The following ABHD1 variants were observed in gnomAD, a reference collection of about 807,000 sequenced individuals.
ABHD1 encodes abhydrolase domain containing 1.
A neutral mutation model predicts 41.4 loss-of-function variants in ABHD1; 47 were observed. That is an observed-to-expected ratio of 1.13 (90% CI 0.90 to 1.45). The LOEUF is 1.45. ABHD1 is among the 40% of genes most tolerant of loss of function. The pLI, the probability that ABHD1 is intolerant of heterozygous loss-of-function variation, is 0.00. For missense variants in ABHD1, 550 were observed against 503.4 expected, an observed-to-expected ratio of 1.09 and a Z score of -0.89; for synonymous variants, 205 against 203.7, an observed-to-expected ratio of 1.01 and a Z score of -0.05.
In ABHD1 at chr2:27,129,595, C is replaced by G; in HGVS notation, c.586C>G (p.Pro196Ala). 6.2e-7 allele frequency: 1 copy of G among 1,613,690 alleles called. No homozygotes were observed. The highest frequency in any genetic ancestry group is 1.3e-5 in the African/African-American group (1 of 75,078). Residue 196 changes from proline (P) to alanine (A), a missense_variant, in exon 5 of 9, where the codon CCA becomes GCA. Transcript: ENST00000316470. ...CATAAAGCATCGTTATCCCCAAGCTCCACTGCTGGCCGTGGGCATCTCTTT... is the reference window on the plus strand; with the variant it reads ...CATAAAGCATCGTTATCCCCAAGCTGCACTGCTGGCCGTGGGCATCTCTTT... ...NHIKHRYPQA[P>A]LLAVGISFGG...
At chr2:27,129,209 A>G in intron 3 of ABHD1, 82 bp downstream of exon 3, 1 of 1,592,104 alleles carries the variant, frequency 6.3e-7, no homozygotes, top group Non-Finnish European at 8.6e-7. Flanking sequence ...CTGATAGATA[A>G]GAAGAATGCT....
Position 27,130,545 on chromosome 2 carries a change from A to G in ABHD1, c.1019A>G (p.Gln340Arg), listed in dbSNP as rs1672198102. The G allele has an allele frequency of 6.2e-7, 1 of 1,613,902 alleles. No individual in the cohort carries two copies. Among genetic ancestry groups the G allele is most frequent in the Admixed American group, 1.7e-5 (1 of 59,974 alleles). ...GACCCTCTCCTAGCCCTTCCCATACAGGCCGCCCAACACTCCCCCTACGTT... is the reference window on the plus strand; with the variant it reads ...GACCCTCTCCTAGCCCTTCCCATACGGGCCGCCCAACACTCCCCCTACGTT... ...PFSPVCALPI[Q>R]AAQHSPYVAL... The change falls in exon 9 of 9, where the codon CAG becomes CGG. Residue 340 changes from glutamine to arginine, a missense_variant. By Grantham distance (43) the Gln-to-Arg change is conservative (BLOSUM62 1). Transcript: ENST00000316470.
Position 27,130,699 on chromosome 2 carries a change from G to A in ABHD1, c.1173G>A (p.Leu391=), listed in dbSNP as rs1220128062. The A allele has an allele frequency of 1.2e-6, 2 of 1,614,134 alleles. No homozygotes were observed. The highest frequency in any genetic ancestry group is 2.7e-5 in the African/African-American group (2 of 74,940). Residue 391 remains leucine (L), a synonymous_variant, in exon 9 of 9, where the codon CTG becomes CTA. Coordinates refer to ENST00000316470, the MANE Select transcript of ABHD1 (RefSeq NM_032604.4). The part of the protein sequence containing the change: ...AKAIFQDPEG[L]PDLRALLPSE... Reference sequence around the variant, plus strand: ...CCATCTTCCAGGACCCAGAGGGGCTGCCTGACCTCAGGGCTCTCTTACCTT... The same window carrying A: ...CCATCTTCCAGGACCCAGAGGGGCTACCTGACCTCAGGGCTCTCTTACCTT...
Position 27,123,970 on chromosome 2 carries a change from C to T in ABHD1, c.22C>T (p.Pro8Ser). The T allele has an allele frequency of 1.2e-6, 2 of 1,614,238 alleles. No homozygotes were observed. The highest frequency in any genetic ancestry group is 1.7e-6 in the Non-Finnish European group (2 of 1,180,030). Residue 8 changes from proline to serine, a missense_variant, in exon 1 of 9, where the codon CCC becomes TCC. By Grantham distance (74) the Pro-to-Ser change is moderately conservative. Coordinates refer to ENST00000316470, the MANE Select transcript of ABHD1 (RefSeq NM_032604.4). ...CAAGATGCTGAGCTCCTTCCTGAGC[C>T]CCCAGAATGGCACCTGGGCAGACAC... MLSSFLSPQNGTWADTFS... is the reference protein window; with the variant it reads MLSSFLSSQNGTWADTFS...
Position 27,129,790 on chromosome 2 carries a change from G to C in ABHD1, c.654G>C (p.Gln218His). ...TGAATCACCTGGCACAGGCCAGGCA[G>C]GCTGCAGGGCTGGTGGCAGCACTGA... ...LVLNHLAQAR[Q>H]AAGLVAALTL... Residue 218 changes from glutamine (Q) to histidine (H), a missense_variant, in exon 6 of 9, where the codon CAG (glutamine) becomes CAC (histidine). Physicochemically the swap from Gln to His is conservative, Grantham distance 24. Coordinates refer to ENST00000316470, the MANE Select transcript of ABHD1 (RefSeq NM_032604.4). 1 of 1,614,234 alleles carries C rather than the reference G, an allele frequency of 6.2e-7. No individual in the cohort carries two copies. The highest frequency in any genetic ancestry group is 8.5e-7 in the Non-Finnish European group (1 of 1,180,048).
rs1360976751 is a variant in ABHD1 at position 27,128,490 on chromosome 2, A to C, written c.164A>C (p.His55Pro). ...CAGTTTCTGGCCTTCCTGGAGCCAC[A>C]CTGTTCCATCACCACCGAGACTTTC... ...GPQFLAFLEP[H>P]CSITTETFYP... Residue 55 changes from histidine (H) to proline (P), a missense_variant, in exon 2 of 9, where the codon CAC becomes CCC. Physicochemically the swap from His to Pro is moderately conservative, Grantham distance 77. Transcript: ENST00000316470. The C allele has an allele frequency of 6.2e-7, 1 of 1,613,108 alleles. No homozygotes were observed. The highest frequency in any genetic ancestry group is 1.3e-5 in the African/African-American group (1 of 74,444).
chr2:27,128,036 ACTC>A (rs1209114027), intron 1 of ABHD1, among the ~76,000 whole-genome samples: 1 of 148,414 alleles, frequency 6.7e-6, no homozygotes, highest in Non-Finnish European at 1.5e-5. Context: ...GCAGCCTTGA[ACTC>A]CTGGGCTCAA....
At chr2:27,127,415 G>A (rs1213321147) in intron 1 of ABHD1, among the ~76,000 whole-genome samples, 6 of 147,378 alleles carry the variant, frequency 4.1e-5, no homozygotes, top group East Asian at 2.1e-4. Flanking sequence ...TTAGCCAGGC[G>A]TGGTGGCGGG....
In ABHD1 at chr2:27,128,607, A is replaced by G. The variant is rs761684601; in HGVS notation, c.275+6A>G. 6.2e-7 allele frequency: 1 copy of G among 1,614,092 alleles called. No homozygotes were observed. Among genetic ancestry groups the G allele is most frequent in the South Asian group, 1.1e-5 (1 of 91,084 alleles). On this transcript the variant is annotated splice_donor_region_variant and intron_variant, in intron 2 of 8. Transcript: ENST00000316470. ...CCCCTAGTCCTTTATCAGAGGTAAGAAGGGACAGAACAGGGTGAACATGAA... is the reference window on the plus strand; with the variant it reads ...CCCCTAGTCCTTTATCAGAGGTAAGGAGGGACAGAACAGGGTGAACATGAA...
Position 27,129,044 on chromosome 2 carries a change from G to A in ABHD1, c.375G>A (p.Val125=), listed in dbSNP as rs764346512. The A allele has an allele frequency of 5.6e-6, 9 of 1,614,074 alleles. No homozygotes were observed. In the Admixed American group the frequency reaches 1.5e-4, roughly 27 times the overall value. The change falls in exon 3 of 9, where the codon GTG becomes GTA. Residue 125 remains valine (V), a synonymous_variant. Coordinates refer to ENST00000316470, the MANE Select transcript of ABHD1 (RefSeq NM_032604.4). Reference sequence around the variant, plus strand: ...CTGATCCTACTACCCAGCCCATTGTGCTGCTGCTTCCTGGCATCACTGGCA... The same window carrying A: ...CTGATCCTACTACCCAGCCCATTGTACTGCTGCTTCCTGGCATCACTGGCA... ...QDPDPTTQPI[V]LLLPGITGSS...
rs369695538 is a variant in ABHD1 at position 27,130,351 on chromosome 2, T to C, written c.941T>C (p.Ile314Thr). ...AAAGCAGCAAGCCCTAGAACCAAGA[T>C]AGATGCCATCCGGATCCCTGTGCTC... is the stretch of plus-strand genomic sequence containing the variant. ...YYKAASPRTK[I>T]DAIRIPVLYL... The change falls in exon 8 of 9, where the codon ATA (isoleucine) becomes ACA (threonine). Residue 314 changes from isoleucine to threonine, a missense_variant. Transcript: ENST00000316470. The C allele has an allele frequency of 4.7e-5, 76 of 1,614,048 alleles. No individual in the cohort carries two copies. The highest frequency in any genetic ancestry group is 3.8e-4 in the East Asian group (17 of 44,904).
In ABHD1 at chr2:27,129,820, G is replaced by A. The variant is rs143469823; in HGVS notation, c.684G>A (p.Leu228=). 3 of 1,614,102 alleles carry A rather than the reference G, an allele frequency of 1.9e-6. No individual in the cohort carries two copies. In the African/African-American group the frequency reaches 4.0e-5, roughly 22 times the overall value. ...QAAGLVAALT[L]SACWDSFETT... Reference sequence around the variant, plus strand: ...CAGGGCTGGTGGCAGCACTGACTCTGTCTGCATGCTGGGATTCCTTTGAGA... The same window carrying A: ...CAGGGCTGGTGGCAGCACTGACTCTATCTGCATGCTGGGATTCCTTTGAGA... The change falls in exon 6 of 9, where the codon CTG becomes CTA. Residue 228 remains leucine (L), a synonymous_variant. Coordinates refer to ENST00000316470, the MANE Select transcript of ABHD1 (RefSeq NM_032604.4).
At chr2:27,126,393 T>C (rs1173764619) in intron 1 of ABHD1, 1 of 152,210 alleles carries the variant, frequency 6.6e-6, no homozygotes, top group African/African-American at 2.4e-5. Context: ...AGGACTAGGG[T>C]CCAAAGTCAC....
At chr2:27,128,649 G>T in intron 2 of ABHD1, 48 bp downstream of exon 2, 1 of 1,602,116 alleles carries the variant, frequency 6.2e-7, no homozygotes, top group Non-Finnish European at 8.5e-7. Flanking sequence ...GGTATCTAGG[G>T]AAAAACCTAT....
chr2:27,129,520 A>C lies in ABHD1; in HGVS notation c.511A>C (p.Arg171=). ...TGATCTGGTTTGCCCTCAGACCCACAGGGCTTTTTGTGCCAGCAATACTGA... is the reference window on the plus strand; with the variant it reads ...TGATCTGGTTTGCCCTCAGACCCACCGGGCTTTTTGTGCCAGCAATACTGA... ...GCRGEELRTH[R]AFCASNTEDL... Residue 171 remains arginine, a synonymous_variant, in exon 5 of 9, where the codon AGG becomes CGG. Transcript: ENST00000316470. 3 of 1,614,128 alleles carry C rather than the reference A, an allele frequency of 1.9e-6. No individual in the cohort carries two copies. The highest frequency in any genetic ancestry group is 3.3e-4 in the Middle Eastern group (2 of 6,060).
At position 27,123,883 on chromosome 2, in the gene ABHD1, C is replaced by A; in HGVS notation, c.-66C>A. ...CGCCTATGGCGGGCGGCGGGTGGGA[C>A]CGCGAGTTACAGCCGGCCAACTGGG... is the stretch of plus-strand genomic sequence containing the variant. On this transcript the variant is annotated 5_prime_UTR_variant, in exon 1 of 9. Coordinates refer to ENST00000316470, the MANE Select transcript of ABHD1 (RefSeq NM_032604.4). 7.3e-7 allele frequency: 1 copy of A among 1,374,300 alleles called. No individual in the cohort carries two copies. The highest frequency in any genetic ancestry group is 1.0e-6 in the Non-Finnish European group (1 of 996,270). The allele number at this position is 1,374,300 out of a possible 1,614,324, so 85.1% of individuals were successfully genotyped here. A position where few individuals can be genotyped will look rare whatever the true frequency, so the allele number is the denominator to read the frequency against.
chr2:27,127,579 A>G (rs1672022755), intron 1 of ABHD1, among the ~76,000 whole-genome samples: 1 of 141,402 alleles, frequency 7.1e-6, no homozygotes, highest in Non-Finnish European at 1.5e-5. Flanking sequence ...AAAGAAAAAA[A>G]AAAGATGGTG....
At position 27,128,570 on chromosome 2, in the gene ABHD1, C is replaced by A; in HGVS notation, c.244C>A (p.Leu82Met). 6.2e-7 allele frequency: 1 copy of A among 1,614,070 alleles called. No homozygotes were observed. Among genetic ancestry groups the A allele is most frequent in the African/African-American group, 1.3e-5 (1 of 74,976 alleles). ...GRLQSIFQVLLQSQPLVLYQS... is the reference protein window; with the variant it reads ...GRLQSIFQVLMQSQPLVLYQS... Reference sequence around the variant, plus strand: ...ACTACAAAGCATCTTCCAAGTCCTCCTGCAGTCTCAGCCCCTAGTCCTTTA... The same window carrying A: ...ACTACAAAGCATCTTCCAAGTCCTCATGCAGTCTCAGCCCCTAGTCCTTTA... Residue 82 changes from leucine (L) to methionine (M), a missense_variant, in exon 2 of 9, where the codon CTG becomes ATG. By Grantham distance (15) the Leu-to-Met change is conservative (BLOSUM62 2). Transcript: ENST00000316470.
chr2:27,124,157 G>A, intron 1 of ABHD1, 95 bp downstream of exon 1: 1 of 1,158,848 alleles, frequency 8.6e-7, no homozygotes, highest in Non-Finnish European at 1.3e-6. Flanking sequence ...TGGGATGGTT[G>A]GGCTTCCCCA....
Sources: gnomAD v4.1 joint callset for allele counts (sites outside exome capture counted in the v4.1 genomes callset) on GRCh38, gnomAD v4.1.1 for gene constraint, MANE v1.5 for transcripts, NCBI Gene and HGNC (gene_info 2026-07-23, HGNC 2026-07-21) for gene names.